CSMD1: variants seen among roughly 807,000 people sequenced by gnomAD.
CSMD1 encodes CUB and Sushi multiple domains 1, also known as CUB and sushi domain-containing protein 1.
CSMD1 carries 213 observed loss-of-function variants against 417.5 expected under a neutral mutation model. The observed-to-expected ratio is 0.51, with a 90% confidence interval of 0.46 to 0.57. CSMD1 has a LOEUF of 0.57. CSMD1 is among the 20% of genes least tolerant of loss of function. The pLI, the probability that CSMD1 is intolerant of heterozygous loss-of-function variation, is 0.00. For synonymous variants in CSMD1, 2,862 were observed against 1,736.8 expected (o/e 1.65, Z -16.11); for missense variants, 6,923 against 4,529.7 (o/e 1.53, Z -15.17).
At chr8:4,128,371 G>A (rs1221778035) in intron 3 of CSMD1, among the ~76,000 whole-genome samples, 1 of 152,156 alleles carries the variant, frequency 6.6e-6, no homozygotes. Context: ...TATGTGGATG[G>A]TAAACAGTAC....
At chr8:3,530,678 C>G (rs1360447436) in intron 10 of CSMD1, among the ~76,000 whole-genome samples, 2 of 151,636 alleles carry the variant, frequency 1.3e-5, no homozygotes, top group African/African-American at 2.4e-5. Context: ...TTACAGGCAC[C>G]CGCCACCACA....
chr8:4,740,503 A>G (rs1810534621), intron 1 of CSMD1, among the ~76,000 whole-genome samples: 1 of 152,208 alleles, frequency 6.6e-6, no homozygotes, highest in Non-Finnish European at 1.5e-5. Flanking sequence ...GGTAAATGAC[A>G]GAAATTTTCT....
At chr8:4,738,025 T>C (rs1207259748) in intron 1 of CSMD1, among the ~76,000 whole-genome samples, 1 of 152,162 alleles carries the variant, frequency 6.6e-6, no homozygotes, top group Non-Finnish European at 1.5e-5. Flanking sequence ...ACTTGGAGAA[T>C]GAGAGAGAAT....
chr8:3,574,700 G>A (rs1021029725), intron 10 of CSMD1, among the ~76,000 whole-genome samples: 1 of 152,216 alleles, frequency 6.6e-6, no homozygotes, highest in Non-Finnish European at 1.5e-5. Context: ...GATACATAAA[G>A]GAGGAATGTA....
At chr8:4,413,859 G>C (rs1042739319) in intron 3 of CSMD1, among the ~76,000 whole-genome samples, 2 of 152,188 alleles carry the variant, frequency 1.3e-5, no homozygotes, top group Non-Finnish European at 2.9e-5. Context: ...AGGAAGGAAT[G>C]TGTTTACAGG....
chr8:3,366,540 G>A (rs1809577424), intron 20 of CSMD1, among the ~76,000 whole-genome samples: 1 of 151,978 alleles, frequency 6.6e-6, no homozygotes, highest in Non-Finnish European at 1.5e-5. Flanking sequence ...TTTTGTCATT[G>A]CATATGAATA....
chr8:3,119,188 A>C (rs977400716), intron 41 of CSMD1, among the ~76,000 whole-genome samples: 3 of 151,840 alleles, frequency 2.0e-5, no homozygotes, highest in Non-Finnish European at 2.9e-5. Context: ...CCCCGCCCCA[A>C]AAAAAAGGAA....
In CSMD1 at chr8:3,493,690, G is replaced by T. The variant is rs776858109; in HGVS notation, c.1381C>A (p.Arg461=). 4 of 1,611,916 alleles carry T rather than the reference G, an allele frequency of 2.5e-6. No homozygotes were observed. Among genetic ancestry groups the T allele is most frequent in the Non-Finnish European group, 2.5e-6 (3 of 1,179,100 alleles). ...KLAFEEFELE[R]GYDTLTVGDA... Reference sequence around the variant, plus strand: ...CCAACCGTCAGGGTGTCATAGCCTCGCTCCAGCTCAAACTCTTCAAAGGCA... The same window carrying T: ...CCAACCGTCAGGGTGTCATAGCCTCTCTCCAGCTCAAACTCTTCAAAGGCA... Residue 461 remains arginine, a synonymous_variant, in exon 11 of 70, where the codon CGA becomes AGA. Coordinates refer to ENST00000635120, the MANE Select transcript of CSMD1 (RefSeq NM_033225.6).
intron 3 of CSMD1, among the ~76,000 whole-genome samples, chr8:4,144,352 G>A (rs13261894): frequency 0.31 from 46,383 of 150,920 alleles, 8,899 homozygotes; most frequent in Non-Finnish European, 0.4. Context: ...TCTTTCTTCT[G>A]TAATTTTCTG....
chr8:3,264,614 T>C (rs1210567072), intron 26 of CSMD1, among the ~76,000 whole-genome samples: 1 of 152,172 alleles, frequency 6.6e-6, no homozygotes, highest in African/African-American at 2.4e-5. Flanking sequence ...AGAAAACGTA[T>C]AAATCGAACT....
At chr8:4,470,312 C>G (rs961654308) in intron 2 of CSMD1, among the ~76,000 whole-genome samples, 11 of 152,208 alleles carry the variant, frequency 7.2e-5, no homozygotes, top group African/African-American at 1.9e-4. Flanking sequence ...TTATTTCATG[C>G]TAGTTTCTAC....
At chr8:4,836,328 C>G (rs1440333368) in intron 1 of CSMD1, among the ~76,000 whole-genome samples, 2 of 152,096 alleles carry the variant, frequency 1.3e-5, no homozygotes, top group Admixed American at 6.5e-5. Context: ...AGCAGTGCAC[C>G]ATTTCCATGT....
chr8:4,297,252 G>C (rs184442714), intron 3 of CSMD1, among the ~76,000 whole-genome samples: 1 of 151,956 alleles, frequency 6.6e-6, no homozygotes, highest in African/African-American at 2.4e-5. Flanking sequence ...TAAATATAGA[G>C]CTTGAAATTT....
At chr8:4,829,354 C>T (rs1800009260) in intron 1 of CSMD1, among the ~76,000 whole-genome samples, 1 of 152,138 alleles carries the variant, frequency 6.6e-6, no homozygotes, top group South Asian at 2.1e-4. Flanking sequence ...CGTGTCTATA[C>T]TGGGCAACAC....
In CSMD1 at chr8:2,944,181, A is replaced by C. The variant is rs571942501; in HGVS notation, c.10403-1577T>G. ...CAGACACTTGCTCTCTTGCAATCTG[A>C]GCACCCAGGTTATGGACGTGCAGCG... On this transcript the variant is annotated intron_variant, in intron 68 of 69. Transcript: ENST00000635120. 2.6e-5 allele frequency among the ~76,000 whole-genome samples: 4 copies of C among 152,300 alleles called. No individual in the cohort carries two copies. In the East Asian group the frequency reaches 5.8e-4, roughly 22 times the overall value.
rs557004024 is a variant in CSMD1, at chr8:4,440,406, A to C, written c.303-20341T>G. Among the ~76,000 whole-genome samples the C allele has an allele frequency of 9.9e-5, 15 of 152,268 alleles. No individual in the cohort carries two copies. The South Asian group carries it at 3.1e-3, about 32-fold the overall frequency. On this transcript the variant is annotated intron_variant, in intron 2 of 69. Transcript: ENST00000635120. ...GAGTCAGAGGATTGCTCTCACTCAC[A>C]CCTATATCTAATTATCCCTTTTCCC...
intron 10 of CSMD1, among the ~76,000 whole-genome samples, chr8:3,532,219 C>T (rs1002775987): frequency 2.0e-5 from 3 of 152,090 alleles, no homozygotes; most frequent in African/African-American, 7.2e-5. Flanking sequence ...CCTTGATTTC[C>T]TTGGGTGTGA....
At chr8:3,781,371 A>G (rs1799171692) in intron 5 of CSMD1, among the ~76,000 whole-genome samples, 1 of 152,268 alleles carries the variant, frequency 6.6e-6, no homozygotes, top group African/African-American at 2.4e-5. Flanking sequence ...GGTCAAGCGC[A>G]TTCTATAGAG....
At chr8:4,453,131 T>A (rs562961094) in intron 2 of CSMD1, among the ~76,000 whole-genome samples, 21 of 152,068 alleles carry the variant, frequency 1.4e-4, no homozygotes, top group African/African-American at 4.8e-4. Context: ...TGGACACATG[T>A]GTCACCAATT....
Sources: gnomAD v4.1 joint callset for allele counts (sites outside exome capture counted in the v4.1 genomes callset) on GRCh38, gnomAD v4.1.1 for gene constraint, MANE v1.5 for transcripts, NCBI Gene and HGNC (gene_info 2026-07-23, HGNC 2026-07-21) for gene names.